Variants in MCCC1 observed in about 807,000 individuals in gnomAD.
MCCC1 encodes the protein methylcrotonyl-CoA carboxylase subunit 1.
MCCC1 carries 64 observed loss-of-function variants against 83.8 expected under a neutral mutation model. The observed-to-expected ratio is 0.76, with a 90% CI of 0.62 to 0.94. The LOEUF (loss-of-function observed/expected upper bound fraction) is 0.94. Among genes scored for constraint, MCCC1 ranks in the 40% least tolerant of loss-of-function variants. The pLI is 0.00. For synonymous variants in MCCC1, 322 were observed against 315.4 expected (o/e 1.02, Z -0.22); for missense variants, 807 against 904.7 (o/e 0.89, Z 1.39).
At chr3:183,095,753 A>T (rs1164776345) in intron 1 of MCCC1, among the ~76,000 whole-genome samples, 2 of 152,186 alleles carry the variant, frequency 1.3e-5, no homozygotes, top group Non-Finnish European at 2.9e-5. Flanking sequence ...AAGATTTAAT[A>T]GCTTGGGCTT....
chr3:183,030,640 AG>A (rs530322544), intron 14 of MCCC1, among the ~76,000 whole-genome samples: 1 of 152,194 alleles, frequency 6.6e-6, no homozygotes, highest in Non-Finnish European at 1.5e-5. Context: ...TGTTCACAAA[AG>A]TCAAATACTA....
upstream of MCCC1, chr3:183,099,667 G>C (rs368539340): frequency 4.9e-6 from 3 of 609,142 alleles, no homozygotes; most frequent in African/African-American, 5.6e-5. Flanking sequence ...CCACGTGCTC[G>C]TGGGGGTGTG....
In MCCC1 at chr3:183,034,968, G is replaced by A. The variant is rs142594443; in HGVS notation, c.1595-891C>T. On this transcript the variant is annotated intron_variant, in intron 13 of 18. Coordinates refer to ENST00000265594, the MANE Select transcript of MCCC1 (RefSeq NM_020166.5). ...AACTTTTCTATTTTTAGTGGAGATG[G>A]GGTTTCACCATGTTGGCCAGGCTGG... Among the ~76,000 whole-genome samples, 145 of 152,098 alleles carry A rather than the reference G, an allele frequency of 9.5e-4. 2 individuals carry two copies. The highest frequency in any genetic ancestry group is 3.3e-3 in the African/African-American group (138 of 41,484).
intron 13 of MCCC1, among the ~76,000 whole-genome samples, chr3:183,035,152 T>C (rs574908867): frequency 2.0e-5 from 3 of 152,194 alleles, no homozygotes; most frequent in Non-Finnish European, 4.4e-5. Context: ...GCTGATGCAA[T>C]TTATTCTGAA....
intron 3 of MCCC1, among the ~76,000 whole-genome samples, chr3:183,088,986 A>G (rs1182017344): frequency 1.3e-5 from 2 of 152,230 alleles, no homozygotes; most frequent in African/African-American, 4.8e-5. Flanking sequence ...TCTTAGCACA[A>G]TATATGTGAG....
At chr3:183,020,630 C>T (rs1366017539) in intron 16 of MCCC1, among the ~76,000 whole-genome samples, 5 of 142,744 alleles carry the variant, frequency 3.5e-5, no homozygotes, top group African/African-American at 1.3e-4. Context: ...GACTCTGACT[C>T]AAAAAAAAAA....
At chr3:183,101,688 A>T (rs548889159), upstream of MCCC1, among the ~76,000 whole-genome samples, 1 of 152,224 alleles carries the variant, frequency 6.6e-6, no homozygotes, top group Non-Finnish European at 1.5e-5. Flanking sequence ...CCAAACCAGC[A>T]TTGGCAACCT....
At chr3:183,102,226 C>T (rs1208491351), upstream of MCCC1, among the ~76,000 whole-genome samples, 1 of 151,728 alleles carries the variant, frequency 6.6e-6, no homozygotes, top group Non-Finnish European at 1.5e-5. Context: ...AAAAACTGGG[C>T]GTAATGATGC....
intron 4 of MCCC1, among the ~76,000 whole-genome samples, chr3:183,086,165 C>T (rs1717876773): frequency 1.3e-5 from 2 of 152,198 alleles, no homozygotes; most frequent in African/African-American, 4.8e-5. Context: ...CTGACTATAC[C>T]TGAATGACAC....
intron 16 of MCCC1, among the ~76,000 whole-genome samples, chr3:183,021,128 G>A (rs186295059): frequency 7.9e-5 from 12 of 152,318 alleles, no homozygotes; most frequent in Admixed American, 7.2e-4. Flanking sequence ...GCCATTTTCA[G>A]TAGCATCCCC....
chr3:183,105,113 G>A (rs1466352496), intron 1 of MCCC1, among the ~76,000 whole-genome samples: 1 of 152,228 alleles, frequency 6.6e-6, no homozygotes, highest in Non-Finnish European at 1.5e-5. Context: ...GGGAGTCCGA[G>A]GCAGGCGACT....
intron 4 of MCCC1, among the ~76,000 whole-genome samples, chr3:183,086,489 A>C (rs997259037): frequency 6.6e-6 from 1 of 152,208 alleles, no homozygotes. Context: ...CCTATTTCCC[A>C]AAGGATCTAA....
At chr3:183,089,000 G>A (rs950790204) in intron 3 of MCCC1, among the ~76,000 whole-genome samples, 17 of 152,322 alleles carry the variant, frequency 1.1e-4, no homozygotes, top group East Asian at 7.7e-4. Flanking sequence ...ATGTGAGCAC[G>A]TCTGTGGGAC....
At chr3:183,038,482 T>C (rs1264894133) in intron 12 of MCCC1, among the ~76,000 whole-genome samples, 1 of 152,148 alleles carries the variant, frequency 6.6e-6, no homozygotes, top group African/African-American at 2.4e-5. Flanking sequence ...GTTGAATAAC[T>C]GGGTTAATAA....
chr3:183,112,727 C>T (rs1411614005), intron 1 of MCCC1, among the ~76,000 whole-genome samples: 1 of 152,012 alleles, frequency 6.6e-6, no homozygotes, highest in Non-Finnish European at 1.5e-5. Context: ...GCATGCAAAC[C>T]GTTCCAGACT....
intron 17 of MCCC1, among the ~76,000 whole-genome samples, chr3:183,019,416 T>C (rs1399633051): frequency 6.6e-6 from 1 of 152,148 alleles, no homozygotes; most frequent in East Asian, 1.9e-4. Context: ...TCTGGCCTCA[T>C]GAAAGAGATT....
chr3:183,031,021 A>G (rs1047664669), intron 14 of MCCC1, among the ~76,000 whole-genome samples: 1 of 152,220 alleles, frequency 6.6e-6, no homozygotes, highest in Non-Finnish European at 1.5e-5. Context: ...CTCTTGTCAC[A>G]TATAAGAGGA....
intron 12 of MCCC1, 61 bp downstream of exon 12, chr3:183,038,965 G>C: frequency 1.4e-6 from 2 of 1,453,386 alleles, no homozygotes; most frequent in East Asian, 2.3e-5. Context: ...CAAAGACAAA[G>C]GCTGACCTCT....
At chr3:183,059,887 T>C (rs923570309) in intron 7 of MCCC1, among the ~76,000 whole-genome samples, 32 of 152,336 alleles carry the variant, frequency 2.1e-4, no homozygotes, top group Non-Finnish European at 4.1e-4. Flanking sequence ...TTTTCCTTCC[T>C]TGTGGCTTCT....
Sources: allele counts gnomAD v4.1 joint callset (sites outside exome capture counted in the v4.1 genomes callset), GRCh38; gene constraint gnomAD v4.1.1; transcripts MANE v1.5; gene names NCBI Gene and HGNC (gene_info 2026-07-23, HGNC 2026-07-21).